Variants in PAG1 observed in about 807,000 individuals in gnomAD.
The protein encoded by PAG1 is phosphoprotein membrane anchor with glycosphingolipid microdomains 1.
Under a neutral mutation model 31.7 loss-of-function variants are expected in PAG1, and 23 were observed. The observed-to-expected ratio is 0.73, with a 90% CI of 0.52 to 1.03. PAG1 has a LOEUF of 1.03. Among genes scored for constraint, PAG1 ranks in the 50% least tolerant of loss-of-function variants. The probability of loss-of-function intolerance (pLI) is 0.00; values close to 1 mark genes in which losing one functional copy is unlikely to be tolerated. For synonymous variants in PAG1, 214 were observed against 210.3 expected, an observed-to-expected ratio of 1.02 and a Z score of -0.15; for missense variants, 473 against 540.7, an observed-to-expected ratio of 0.87 and a Z score of 1.24.
chr8:81,092,214 GAAAAGAAAA>G (rs1393280538), intron 1 of PAG1, among the ~76,000 whole-genome samples: 18 of 135,942 alleles, frequency 1.3e-4, no homozygotes, highest in African/African-American at 4.6e-4. Context: ...AAAAAAAAAG[GAAAAGAAAA>G]AAAAGAAAAA....
intron 3 of PAG1, among the ~76,000 whole-genome samples, chr8:81,026,734 C>T (rs981912555): frequency 2.0e-5 from 3 of 152,162 alleles, no homozygotes; most frequent in African/African-American, 7.2e-5. Context: ...AATTACCCTG[C>T]ACACGAAGGT....
intron 1 of PAG1, among the ~76,000 whole-genome samples, chr8:81,083,889 G>A (rs1019184372): frequency 6.6e-6 from 1 of 152,052 alleles, no homozygotes; most frequent in African/African-American, 2.4e-5. Flanking sequence ...ATAAAAATTA[G>A]CCAGGCGTGG....
chr8:80,983,187 C>A (rs981368515), intron 7 of PAG1, among the ~76,000 whole-genome samples: 2 of 152,138 alleles, frequency 1.3e-5, no homozygotes, highest in Non-Finnish European at 2.9e-5. Context: ...CTTCAGGGGC[C>A]TCACACTGGG....
intron 3 of PAG1, among the ~76,000 whole-genome samples, chr8:80,999,545 C>G (rs1586155880): frequency 1.3e-5 from 2 of 152,184 alleles, no homozygotes; most frequent in African/African-American, 4.8e-5. Flanking sequence ...GGACTCACTG[C>G]TCATGGGAGA....
intron 3 of PAG1, among the ~76,000 whole-genome samples, chr8:81,005,989 C>G (rs937541455): frequency 3.3e-5 from 5 of 152,198 alleles, no homozygotes; most frequent in Non-Finnish European, 5.9e-5. Context: ...GTCGCCCAGG[C>G]TGGAGTGCAG....
At chr8:80,982,219 G>A (rs1166637588) in intron 7 of PAG1, among the ~76,000 whole-genome samples, 3 of 151,954 alleles carry the variant, frequency 2.0e-5, no homozygotes, top group African/African-American at 7.3e-5. Context: ...AAAGTCAACC[G>A]AACAATTTTT....
intron 3 of PAG1, among the ~76,000 whole-genome samples, chr8:81,000,369 G>A (rs1807762773): frequency 6.6e-6 from 1 of 152,202 alleles, no homozygotes; most frequent in Admixed American, 6.5e-5. Context: ...TAATAGGGAT[G>A]AGCGCACTAA....
At chr8:81,061,760 A>G (rs1233761529) in intron 2 of PAG1, among the ~76,000 whole-genome samples, 3 of 152,202 alleles carry the variant, frequency 2.0e-5, no homozygotes, top group Non-Finnish European at 4.4e-5. Flanking sequence ...TTTAAAACGT[A>G]AAAAAGGAAA....
intron 1 of PAG1, among the ~76,000 whole-genome samples, chr8:81,074,592 C>A (rs773315915): frequency 2.6e-5 from 4 of 152,030 alleles, no homozygotes; most frequent in Non-Finnish European, 4.4e-5. Context: ...AAAGTATGGT[C>A]CCAGACCAGC....
At position 80,985,237 on chromosome 8, in the gene PAG1, C is replaced by T. The variant is rs1466555202; in HGVS notation, c.415G>A (p.Glu139Lys). The T allele has an allele frequency of 8.7e-6, 14 of 1,614,002 alleles. No individual in the cohort carries two copies. The highest frequency in any genetic ancestry group is 2.7e-5 in the African/African-American group (2 of 74,908). Residue 139 changes from glutamate (E) to lysine (K), a missense_variant, in exon 7 of 9, where the codon GAG (glutamate) becomes AAG (lysine). By Grantham distance (56) the Glu-to-Lys change is moderately conservative (BLOSUM62 1). Transcript: ENST00000220597. Reference protein sequence around the residue: ...QSRELPRIPPESAVDTMLTAR... With the variant: ...QSRELPRIPPKSAVDTMLTAR... Reference sequence around the variant, plus strand: ...GTGAGCATGGTATCCACTGCGCTCTCGGGAGGGATTCTGGGCAGCTCCCGA... The same window carrying T: ...GTGAGCATGGTATCCACTGCGCTCTTGGGAGGGATTCTGGGCAGCTCCCGA...
intron 2 of PAG1, among the ~76,000 whole-genome samples, chr8:81,041,864 G>A (rs73279927): frequency 0.047 from 7,210 of 152,120 alleles, 578 homozygotes; most frequent in African/African-American, 0.16. Context: ...CATTGCTCAC[G>A]GCTCACCATA....
At chr8:81,078,847 A>G (rs990692175) in intron 1 of PAG1, among the ~76,000 whole-genome samples, 5 of 152,192 alleles carry the variant, frequency 3.3e-5, no homozygotes, top group Admixed American at 6.6e-5. Flanking sequence ...GCTCAAGCTT[A>G]CACAATAGTA....
At chr8:81,109,194 C>A (rs1402330009) in intron 1 of PAG1, among the ~76,000 whole-genome samples, 7 of 152,230 alleles carry the variant, frequency 4.6e-5, no homozygotes, top group African/African-American at 1.7e-4. Flanking sequence ...GAAGCATGGG[C>A]AAGTTATTTA....
intron 1 of PAG1, among the ~76,000 whole-genome samples, chr8:81,074,144 A>G (rs1178242180): frequency 2.0e-5 from 3 of 152,196 alleles, no homozygotes; most frequent in African/African-American, 7.2e-5. Flanking sequence ...ACACAAGAAG[A>G]TGATCCAGAA....
intron 2 of PAG1, among the ~76,000 whole-genome samples, chr8:81,046,649 T>C (rs2130858883): frequency 6.6e-6 from 1 of 152,334 alleles, no homozygotes; most frequent in African/African-American, 2.4e-5. Context: ...GTGACCACTC[T>C]TGGAAGCCCC....
chr8:80,986,869 G>A (rs1034197108), intron 6 of PAG1, among the ~76,000 whole-genome samples: 10 of 152,040 alleles, frequency 6.6e-5, no homozygotes, highest in Admixed American at 4.6e-4. Context: ...TCTCCTTGAG[G>A]CTTCAGGAAG....
chr8:81,081,080 G>C (rs570679698), intron 1 of PAG1, among the ~76,000 whole-genome samples: 1 of 152,048 alleles, frequency 6.6e-6, no homozygotes, highest in Non-Finnish European at 1.5e-5. Flanking sequence ...ACCTCCCTGC[G>C]TCTCAGTGTT....
At chr8:81,020,535 G>C (rs1808145475) in intron 3 of PAG1, among the ~76,000 whole-genome samples, 1 of 152,150 alleles carries the variant, frequency 6.6e-6, no homozygotes, top group Non-Finnish European at 1.5e-5. Context: ...TCTCTTGCCT[G>C]CCGCCATGTA....
rs148131829 is a variant in PAG1 at position 81,058,239 on chromosome 8, C to T, written c.-175+11873G>A. Among the ~76,000 whole-genome samples the T allele has an allele frequency of 6.0e-4, 91 of 152,226 alleles. 1 individual carries two copies. In the East Asian group the frequency reaches 0.016, roughly 27 times the overall value. ...AAAAGGGACCTGTAGATTCTTATAG[C>T]AGTTTTGAACAACAGCAGCACAAAG... On this transcript the variant is annotated intron_variant, in intron 2 of 8. Coordinates refer to ENST00000220597, the MANE Select transcript of PAG1 (RefSeq NM_018440.4).
Sources: allele counts gnomAD v4.1 joint callset (sites outside exome capture counted in the v4.1 genomes callset), GRCh38; gene constraint gnomAD v4.1.1; transcripts MANE v1.5; gene names NCBI Gene and HGNC (gene_info 2026-07-23, HGNC 2026-07-21).